The following TAF7L variants were observed in gnomAD, a reference collection of about 807,000 sequenced individuals.
TAF7L encodes the protein transcription initiation factor TFIID subunit 7-like.
Under a neutral mutation model 30.2 loss-of-function variants are expected in TAF7L, and 6 were observed. The observed-to-expected ratio is 0.20, with a 90% CI of 0.11 to 0.39. TAF7L has a LOEUF of 0.39. TAF7L is among the 10% of genes least tolerant of loss of function. TAF7L has a pLI of 1.00. For missense variants in TAF7L, 284 were observed against 277.1 expected, an observed-to-expected ratio of 1.03 and a Z score of -0.18; for synonymous variants, 93 against 94.5, an observed-to-expected ratio of 0.98 and a Z score of 0.09.
In TAF7L at chrX:101,275,988, C is replaced by G. The variant is rs1483376421; in HGVS notation, c.1026+12G>C. 8.7e-7 allele frequency: 1 copy of G among 1,144,339 alleles called. No homozygotes were observed. The highest frequency in any genetic ancestry group is 3.0e-5 in the East Asian group (1 of 33,467). 94.3% of individuals were successfully genotyped at this position (1,144,339 alleles called of 1,213,427 possible). A position where few individuals can be genotyped will look rare whatever the true frequency, so the allele number is the denominator to read the frequency against. ...AGATATCAGGATTTCTTTATGCCAGCCAAGAATTTACCTTGAGTGTCAGGT... is the reference window on the plus strand; with the variant it reads ...AGATATCAGGATTTCTTTATGCCAGGCAAGAATTTACCTTGAGTGTCAGGT... On this transcript the variant is annotated intron_variant, in intron 11 of 12. Transcript: ENST00000356784.
At chrX:101,285,103 C>T (rs919402703) in intron 3 of TAF7L, among the ~76,000 whole-genome samples, 1 of 110,859 alleles carries the variant, frequency 9.0e-6, no homozygotes, top group South Asian at 3.9e-4. Context: ...ATGTTGATAT[C>T]AATTCCTTCT....
intron 9 of TAF7L, 100 bp downstream of exon 9, chrX:101,277,491 CTTTTTTTCTGGGTTT>C: frequency 2.7e-6 from 1 of 365,894 alleles, no homozygotes; most frequent in South Asian, 5.6e-5. Context: ...CGAAACCATC[CTTTTTTTCTGGGTTT>C]TTTTTTTTTT....
intron 8 of TAF7L, 77 bp downstream of exon 8, chrX:101,277,972 C>T: frequency 1.1e-6 from 1 of 907,139 alleles, no homozygotes; most frequent in Non-Finnish European, 1.6e-6. Context: ...GGCACACAAA[C>T]ACCAGAGGTG....
chrX:101,272,537 T>G (rs1924001435), intron 12 of TAF7L, among the ~76,000 whole-genome samples: 1 of 111,112 alleles, frequency 9.0e-6, no homozygotes, highest in Admixed American at 9.6e-5. Context: ...CAAAACACCA[T>G]GTATTATATG....
intron 3 of TAF7L, 134 bp from the exon 4 acceptor site, chrX:101,283,717 T>C (rs1262495924): frequency 7.5e-6 from 5 of 664,276 alleles, no homozygotes; most frequent in Non-Finnish European, 9.0e-6. Context: ...ATGCTAGAAT[T>C]GTGTACACAA....
intron 1 of TAF7L, among the ~76,000 whole-genome samples, chrX:101,289,552 T>C (rs1924727008): frequency 8.9e-6 from 1 of 111,760 alleles, no homozygotes; most frequent in African/African-American, 3.2e-5. Flanking sequence ...TGTAGAGCCC[T>C]GCATTTTGGG....
chrX:101,270,008 G>C (rs1258286446), intron 12 of TAF7L, among the ~76,000 whole-genome samples: 1 of 111,219 alleles, frequency 9.0e-6, no homozygotes, highest in Admixed American at 9.5e-5. Flanking sequence ...ATGGGTCTTA[G>C]ACTGAGTCTT....
At chrX:101,292,904 C>T (rs751987490), upstream of TAF7L, 18 of 1,211,181 alleles carry the variant, frequency 1.5e-5, no homozygotes, top group South Asian at 3.5e-5. Context: ...CCAGCAATGT[C>T]GGCGCTGCTT....
At chrX:101,291,689 A>AC (rs1313697897), upstream of TAF7L, among the ~76,000 whole-genome samples, 7 of 106,919 alleles carry the variant, frequency 6.5e-5, no homozygotes, top group Admixed American at 2.0e-4. Flanking sequence ...ACATGATGAA[A>AC]CCCCCGTCTC....
chrX:101,291,797 T>C (rs1384709893), upstream of TAF7L, among the ~76,000 whole-genome samples: 21 of 89,538 alleles, frequency 2.3e-4, no homozygotes, highest in Middle Eastern at 7.6e-3. Flanking sequence ...ACCCGGGAGG[T>C]GGAGATTGCA....
At chrX:101,288,180 C>T (rs866179327) in intron 1 of TAF7L, among the ~76,000 whole-genome samples, 13 of 106,755 alleles carry the variant, frequency 1.2e-4, no homozygotes, top group African/African-American at 3.4e-4. Flanking sequence ...CTCGCTCTGT[C>T]GCCCAGGCTG....
intron 3 of TAF7L, among the ~76,000 whole-genome samples, chrX:101,284,982 A>G: frequency 9.0e-6 from 1 of 111,468 alleles, no homozygotes; most frequent in Non-Finnish European, 1.9e-5. Flanking sequence ...AAGGCTGAGT[A>G]GTATAGCATT....
At chrX:101,283,669 A>C in intron 3 of TAF7L, 86 bp from the exon 4 acceptor site, 3 of 1,016,147 alleles carry the variant, frequency 3.0e-6, no homozygotes, top group Non-Finnish European at 4.1e-6. Context: ...CTTATGTGGG[A>C]CAGATTAGTC....
intron 3 of TAF7L, among the ~76,000 whole-genome samples, chrX:101,285,156 G>A (rs1033305622): frequency 9.0e-6 from 1 of 110,530 alleles, no homozygotes; most frequent in African/African-American, 3.3e-5. Context: ...TCACATGGTT[G>A]TTCTATTTTT....
chrX:101,281,691 G>A (rs377538893), intron 6 of TAF7L, 29 bp downstream of exon 6: 18 of 1,198,400 alleles, frequency 1.5e-5, no homozygotes, highest in African/African-American at 8.8e-5. Context: ...TAATCGGCCC[G>A]GCAGACACAC....
chrX:101,269,323 A>G, intron 12 of TAF7L, 86 bp from the exon 13 acceptor site: 1 of 835,218 alleles, frequency 1.2e-6, no homozygotes. Context: ...AAATGAACCA[A>G]AAAGAACTAC....
At chrX:101,290,531 A>G (rs1293866412) in intron 1 of TAF7L, among the ~76,000 whole-genome samples, 1 of 111,909 alleles carries the variant, frequency 8.9e-6, no homozygotes, top group Non-Finnish European at 1.9e-5. Context: ...ATTTCTCAGC[A>G]GAACTAAAAC....
Position 101,277,551 on chromosome X carries a change from T to C in TAF7L, c.691+55A>G, listed in dbSNP as rs181447255. The C allele has an allele frequency of 9.9e-6, 6 of 604,921 alleles. No homozygotes were observed. The East Asian group carries it at 2.4e-4, about 24-fold the overall frequency. 49.9% of individuals were successfully genotyped at this position (604,921 alleles called of 1,213,427 possible). On this transcript the variant is annotated intron_variant, in intron 9 of 12. Transcript: ENST00000356784. Reference sequence around the variant, plus strand: ...TATGAATTTATGGAAAATGATCTGATACCCAGTCAATACCTGCCCTATCTG... The same window carrying C: ...TATGAATTTATGGAAAATGATCTGACACCCAGTCAATACCTGCCCTATCTG...
At chrX:101,270,972 C>G (rs1923946717) in intron 12 of TAF7L, among the ~76,000 whole-genome samples, 1 of 111,123 alleles carries the variant, frequency 9.0e-6, no homozygotes, top group Non-Finnish European at 1.9e-5. Context: ...TTATTAAAAC[C>G]CTACCTATAT....
Sources: gnomAD v4.1 joint callset for allele counts (sites outside exome capture counted in the v4.1 genomes callset) on GRCh38, gnomAD v4.1.1 for gene constraint, MANE v1.5 for transcripts, NCBI Gene and HGNC (gene_info 2026-07-23, HGNC 2026-07-21) for gene names.